NAV1: variants seen among roughly 807,000 people sequenced by gnomAD.
The protein encoded by NAV1 is pore membrane and/or filament interacting like protein 3.
In NAV1, 18 loss-of-function variants were observed where a neutral mutation model predicts 175.2. The ratio of observed to expected loss-of-function variants is 0.10; its 90% CI spans 0.07 to 0.15. The LOEUF (loss-of-function observed/expected upper bound fraction) is 0.15, where lower values mean the gene tolerates loss of function less well. Ranked by LOEUF, NAV1 falls within the 10% of genes least tolerant of loss-of-function variation. The probability of loss-of-function intolerance (pLI) is 1.00; values close to 1 mark genes in which losing one functional copy is unlikely to be tolerated. For missense variants in NAV1, 1,731 were observed against 2,436.6 expected (o/e 0.71, Z 6.10); for synonymous variants, 897 against 978.7 (o/e 0.92, Z 1.56).
At chr1:201,660,009 C>A (rs1223395143) in intron 1 of NAV1, among the ~76,000 whole-genome samples, 1 of 152,170 alleles carries the variant, frequency 6.6e-6, no homozygotes, top group Non-Finnish European at 1.5e-5. Context: ...GAGCTATTGT[C>A]CTAGAGTTCA....
rs1441851012 is a variant in NAV1, at chr1:201,782,139, A to G, written c.1664-37A>G. On this transcript the variant is annotated intron_variant, in intron 5 of 29. Transcript: ENST00000367296. The surrounding 1 kb of genome is among the most constrained non-coding windows in gnomAD (Gnocchi z 5.4). The stretch of plus-strand genomic sequence containing the variant: ...AGGGTGGGTTTTTAAGATACTGGTC[A>G]GTTTCAGCTCTTTTCTCATTTCCCG... 2 of 1,516,020 alleles carry G rather than the reference A, an allele frequency of 1.3e-6. No homozygotes were observed. Among genetic ancestry groups the G allele is most frequent in the East Asian group, 4.5e-5 (2 of 44,090 alleles). The allele number at this position is 1,516,020 out of a possible 1,614,324, so 93.9% of individuals were successfully genotyped here. A position where few individuals can be genotyped will look rare whatever the true frequency, so the allele number is the denominator to read the frequency against.
chr1:201,715,496 G>A (rs920937245), intron 2 of NAV1, among the ~76,000 whole-genome samples: 2 of 152,140 alleles, frequency 1.3e-5, no homozygotes, highest in African/African-American at 4.8e-5. Flanking sequence ...CTATCAATGA[G>A]CCCTTCCCTT....
At position 201,769,633 on chromosome 1, in the gene NAV1, G is replaced by A. The variant is rs74136670; in HGVS notation, c.1227-10788G>A. On this transcript the variant is annotated intron_variant, in intron 3 of 29. Transcript: ENST00000367296. ...ATAGCTTCCTGCTGTCTTGGAACCTGTTTCCAGTTTAGATGATAAAGTTAG... is the reference window on the plus strand; with the variant it reads ...ATAGCTTCCTGCTGTCTTGGAACCTATTTCCAGTTTAGATGATAAAGTTAG... Among the ~76,000 whole-genome samples the A allele has an allele frequency of 1.9e-3, 293 of 152,224 alleles. 2 individuals carry two copies. Among genetic ancestry groups the A allele is most frequent in the African/African-American group, 6.8e-3 (284 of 41,520 alleles).
At chr1:201,710,161 TAAA>T (rs33912942) in intron 1 of NAV1, among the ~76,000 whole-genome samples, 332 of 146,588 alleles carry the variant, frequency 2.3e-3, no homozygotes, top group African/African-American at 5.1e-3. Flanking sequence ...CATTTTTCCT[TAAA>T]AAAAAAAAAA....
intron 2 of NAV1, among the ~76,000 whole-genome samples, chr1:201,635,198 C>T (rs549166052): frequency 6.7e-6 from 1 of 149,318 alleles, no homozygotes; most frequent in Admixed American, 6.6e-5. Flanking sequence ...ACCACCACAC[C>T]TGGCTATCTT....
At chr1:201,608,628 C>T (rs1215214615) in intron 2 of NAV1, among the ~76,000 whole-genome samples, 2 of 152,230 alleles carry the variant, frequency 1.3e-5, no homozygotes, top group East Asian at 3.9e-4. Flanking sequence ...ATAAGCTCAC[C>T]TGTCAGCCTC....
chr1:201,629,372 C>G, intron 1 of NAV1, 32 bp from the exon 4 acceptor site: 1 of 1,285,796 alleles, frequency 7.8e-7, no homozygotes, highest in Non-Finnish European at 1.0e-6. Context: ...GACATCTCTA[C>G]CATGAGTGAC....
rs1006545587 is a variant in NAV1, at chr1:201,691,695, G to A, written c.758-21122G>A. 1.1e-4 allele frequency among the ~76,000 whole-genome samples: 16 copies of A among 152,204 alleles called. No homozygotes were observed. In the East Asian group the frequency reaches 2.3e-3, roughly 22 times the overall value. Reference sequence around the variant, plus strand: ...TTGTATGACCCTGGCTTAGGACGCCGTGGAATCGCCTTTTCTGGAGATGCT... The same window carrying A: ...TTGTATGACCCTGGCTTAGGACGCCATGGAATCGCCTTTTCTGGAGATGCT... On this transcript the variant is annotated intron_variant, in intron 1 of 29. Transcript: ENST00000367296.
intron 1 of NAV1, among the ~76,000 whole-genome samples, chr1:201,663,575 T>C (rs1571870758): frequency 6.6e-6 from 1 of 152,332 alleles, no homozygotes; most frequent in East Asian, 1.9e-4. Flanking sequence ...TCCTCCATGC[T>C]TCCTCCCAGG....
intron 15 of NAV1, chr1:201,797,762 C>T (rs1372989149): frequency 6.6e-6 from 1 of 152,112 alleles, no homozygotes; most frequent in Non-Finnish European, 1.5e-5. Context: ...GAATTGTTTT[C>T]TTAATTTCTC....
rs57110688 is a variant in NAV1, at chr1:201,607,870, TTGTGTGTGTG to T, written c.-32-14947_-32-14938del. Among the ~76,000 whole-genome samples, 431 of 138,272 alleles carry T rather than the reference TTGTGTGTGTG, an allele frequency of 3.1e-3. 1 individual carries two copies. Among genetic ancestry groups the T allele is most frequent in the African/African-American group, 9.3e-3 (341 of 36,648 alleles). 90.7% of individuals were successfully genotyped at this position (138,272 alleles called of 152,430 possible). A position where few individuals can be genotyped will look rare whatever the true frequency, so the allele number is the denominator to read the frequency against. ...AATATATAGTATAATGATAACTTTA[TTGTGTGTGTG>T]TGTGTGTGTGTGTGTGTGTGTGTGT... On this transcript the variant is annotated intron_variant, in intron 2 of 33. Transcript: ENST00000685211.
chr1:201,605,769 T>A lies in NAV1; in HGVS notation c.-32-17084T>A, dbSNP rs573446289. Among the ~76,000 whole-genome samples the A allele has an allele frequency of 2.0e-5, 3 of 152,216 alleles. No homozygotes were observed. In the South Asian group the frequency reaches 6.2e-4, roughly 32 times the overall value. On this transcript the variant is annotated intron_variant, in intron 2 of 33. Coordinates refer to the NAV1 transcript ENST00000685211. Reference sequence around the variant, plus strand: ...CTGAATTGGGCCATGCCTGGCCAGCTGCATCTAGGGGAGGGCTAAGGAGAG... The same window carrying A: ...CTGAATTGGGCCATGCCTGGCCAGCAGCATCTAGGGGAGGGCTAAGGAGAG...
intron 3 of NAV1, among the ~76,000 whole-genome samples, chr1:201,758,378 C>T (rs189371817): frequency 1.8e-4 from 27 of 152,336 alleles, no homozygotes; most frequent in African/African-American, 6.0e-4. Flanking sequence ...ACTGTAGGAA[C>T]CAACCTGAGC....
At chr1:201,632,764 G>T (rs1668513655) in intron 2 of NAV1, among the ~76,000 whole-genome samples, 1 of 152,222 alleles carries the variant, frequency 6.6e-6, no homozygotes, top group Admixed American at 6.5e-5. Context: ...TATATAGAGA[G>T]AATGGGTGGG....
chr1:201,794,272 C>G lies in NAV1; in HGVS notation c.3406-194C>G, dbSNP rs901105105. 7.7e-6 allele frequency: 5 copies of G among 646,948 alleles called. No individual in the cohort carries two copies. In the Admixed American group the frequency reaches 1.0e-4, roughly 14 times the overall value. The allele number at this position is 646,948 out of a possible 1,614,324, so 40.1% of individuals were successfully genotyped here. On this transcript the variant is annotated intron_variant, in intron 14 of 29. Coordinates refer to ENST00000367296, the Ensembl canonical transcript of NAV1. ...GTTCAAGCGATTCTCCTGCTTCAGC[C>G]TCCCAAGTAGCTGGGATTACAGGTG...
intron 3 of NAV1, among the ~76,000 whole-genome samples, chr1:201,769,155 A>C (rs1267222379): frequency 1.3e-5 from 2 of 152,230 alleles, no homozygotes; most frequent in Non-Finnish European, 2.9e-5. Flanking sequence ...AAATGTCATG[A>C]GATATCGCTG....
upstream of NAV1, among the ~76,000 whole-genome samples, chr1:201,647,108 G>A (rs1381656135): frequency 1.3e-5 from 2 of 152,224 alleles, no homozygotes; most frequent in African/African-American, 4.8e-5. Context: ...CCCTCCTGGA[G>A]CAAGCTTTGC....
At chr1:201,541,796 T>C (rs142328659) in intron 1 of NAV1, among the ~76,000 whole-genome samples, 1 of 152,284 alleles carries the variant, frequency 6.6e-6, no homozygotes, top group African/African-American at 2.4e-5. Context: ...AGTGCTGTTT[T>C]TCCTTTCTTG....
chr1:201,765,395 T>TC (rs1057041056), intron 3 of NAV1, among the ~76,000 whole-genome samples: 1 of 144,026 alleles, frequency 6.9e-6, no homozygotes, highest in African/African-American at 2.6e-5. Flanking sequence ...TTTTTTTTTT[T>TC]TTTTTTTTCT....
Sources: gnomAD v4.1 joint callset for allele counts (sites outside exome capture counted in the v4.1 genomes callset) on GRCh38, gnomAD v4.1.1 for gene constraint, Gnocchi (gnomAD v3.1) non-coding constraint, MANE v1.5 for transcripts, NCBI Gene and HGNC (gene_info 2026-07-23, HGNC 2026-07-21) for gene names.